Variants in POU2F3 observed in about 807,000 individuals in gnomAD.
POU2F3 encodes the protein POU domain, class 2, transcription factor 3.
POU2F3 carries 23 observed loss-of-function variants against 59.2 expected under a neutral mutation model. The observed-to-expected ratio is 0.39, with a 90% CI of 0.28 to 0.55. POU2F3 has a LOEUF of 0.55. Among genes scored for constraint, POU2F3 ranks in the 20% least tolerant of loss-of-function variants. The pLI is 0.66. For synonymous variants in POU2F3, 190 were observed against 214.6 expected (o/e 0.89, Z 1.00); for missense variants, 473 against 544.5 (o/e 0.87, Z 1.31).
At chr11:120,313,526 T>A (rs1941708526) in intron 10 of POU2F3, among the ~76,000 whole-genome samples, 2 of 152,212 alleles carry the variant, frequency 1.3e-5, no homozygotes, top group Non-Finnish European at 2.9e-5. Flanking sequence ...TAGGACATAG[T>A]TTCTTCTGCT....
Position 120,318,578 on chromosome 11 carries a change from G to C in POU2F3, c.*186G>C, listed in dbSNP as rs1484420046. On this transcript the variant is annotated 3_prime_UTR_variant, in exon 13 of 13. Coordinates refer to ENST00000543440, the MANE Select transcript of POU2F3 (RefSeq NM_014352.4). The stretch of plus-strand genomic sequence containing the variant: ...GAGATCCAAACTGTGATTGAACCAA[G>C]TGCAGACTCCTAATGCTCTTGAAAT... 1 of 614,936 alleles carries C rather than the reference G, an allele frequency of 1.6e-6. No individual in the cohort carries two copies. 38.1% of individuals were successfully genotyped at this position (614,936 alleles called of 1,614,324 possible).
chr11:120,241,615 C>A (rs983370318), intron 1 of POU2F3, among the ~76,000 whole-genome samples: 3 of 152,198 alleles, frequency 2.0e-5, no homozygotes, highest in African/African-American at 7.2e-5. Context: ...CTGGGCATAC[C>A]TGGGGCAGAT....
At chr11:120,246,229 G>T (rs1938869279) in intron 1 of POU2F3, among the ~76,000 whole-genome samples, 2 of 152,106 alleles carry the variant, frequency 1.3e-5, no homozygotes, top group African/African-American at 4.8e-5. Flanking sequence ...CCGGGGAAAG[G>T]GGAAGAGAAA....
At position 120,310,185 on chromosome 11, in the gene POU2F3, A is replaced by T. The variant is rs572409181; in HGVS notation, c.1068+599A>T. Among the ~76,000 whole-genome samples the T allele has an allele frequency of 3.3e-5, 5 of 152,260 alleles. No individual in the cohort carries two copies. In the South Asian group the frequency reaches 1.0e-3, roughly 32 times the overall value. On this transcript the variant is annotated intron_variant, in intron 10 of 12. Transcript: ENST00000543440. Reference sequence around the variant, plus strand: ...TGACAATGGTCAGGCTGTGTGATGGAGGCTTGGCCCAGGGTGGTAGCCATG... The same window carrying T: ...TGACAATGGTCAGGCTGTGTGATGGTGGCTTGGCCCAGGGTGGTAGCCATG...
chr11:120,250,371 G>C (rs1226637314), intron 2 of POU2F3: 1 of 152,232 alleles, frequency 6.6e-6, no homozygotes, highest in African/African-American at 2.4e-5. Context: ...CTGTCCTCAA[G>C]GAGTTGTCCT....
At chr11:120,291,565 A>G (rs975029119) in intron 3 of POU2F3, among the ~76,000 whole-genome samples, 12 of 152,256 alleles carry the variant, frequency 7.9e-5, no homozygotes, top group Admixed American at 7.2e-4. Context: ...TGAAGAGTCT[A>G]TAATTCTATA....
chr11:120,269,370 C>G, intron 3 of POU2F3, 126 bp downstream of exon 3: 2 of 787,852 alleles, frequency 2.5e-6, no homozygotes, highest in Non-Finnish European at 2.0e-6. Context: ...CCCAACCTTT[C>G]AGGATCAAAG....
At chr11:120,263,770 C>T (rs975474706) in intron 2 of POU2F3, among the ~76,000 whole-genome samples, 3 of 152,138 alleles carry the variant, frequency 2.0e-5, no homozygotes, top group Admixed American at 2.0e-4. Context: ...GTGTTCTGTC[C>T]TTTTCTGGTT....
At chr11:120,296,176 G>A (rs1341922420) in intron 3 of POU2F3, among the ~76,000 whole-genome samples, 2 of 152,302 alleles carry the variant, frequency 1.3e-5, no homozygotes, top group South Asian at 2.1e-4. Context: ...CGGAGTTAGG[G>A]CTAGAAACAA....
intron 3 of POU2F3, among the ~76,000 whole-genome samples, chr11:120,278,668 C>T (rs1042794260): frequency 1.3e-5 from 2 of 152,172 alleles, no homozygotes; most frequent in Non-Finnish European, 2.9e-5. Flanking sequence ...GAATGAGCTG[C>T]GCTGACTGAG....
In POU2F3 at chr11:120,305,716, G is replaced by A; in HGVS notation, c.700G>A (p.Ala234Thr). ...CCAGACCACCATCTCACGATTTGAG[G>A]CCCTCAACCTGAGCTTCAAGAACAT... ...FSQTTISRFE[A>T]LNLSFKNMCK... Residue 234 changes from alanine to threonine, a missense_variant, in exon 8 of 13, where the codon GCC becomes ACC. By Grantham distance (58) the Ala-to-Thr change is moderately conservative. Transcript: ENST00000543440. 2 of 1,613,986 alleles carry A rather than the reference G, an allele frequency of 1.2e-6. No homozygotes were observed. Among genetic ancestry groups the A allele is most frequent in the South Asian group, 1.1e-5 (1 of 91,052 alleles).
At chr11:120,278,764 G>T (rs11217780) in intron 3 of POU2F3, among the ~76,000 whole-genome samples, 1 of 152,138 alleles carries the variant, frequency 6.6e-6, no homozygotes, top group African/African-American at 2.4e-5. Context: ...GGGCCTGTCA[G>T]GGGGTGGAGG....
At position 120,279,569 on chromosome 11, in the gene POU2F3, G is replaced by A. The variant is rs191429242; in HGVS notation, c.132+10325G>A. ...ATCATCTCCCAATCTCAGCCCCACC[G>A]CCCTCTGCAAGCGTGGGCGGGGAAG... is the stretch of plus-strand genomic sequence containing the variant. On this transcript the variant is annotated intron_variant, in intron 3 of 12. Transcript: ENST00000543440. Among the ~76,000 whole-genome samples the A allele has an allele frequency of 4.6e-5, 7 of 152,288 alleles. No homozygotes were observed. The East Asian group carries it at 7.7e-4, about 17-fold the overall frequency.
chr11:120,290,563 C>T (rs1940984469), intron 3 of POU2F3, among the ~76,000 whole-genome samples: 2 of 152,192 alleles, frequency 1.3e-5, no homozygotes, highest in Admixed American at 6.5e-5. Context: ...GAGTCAGGCT[C>T]TCCTCTTCCT....
At chr11:120,294,439 C>T (rs1453370226) in intron 3 of POU2F3, among the ~76,000 whole-genome samples, 1 of 152,214 alleles carries the variant, frequency 6.6e-6, no homozygotes, top group African/African-American at 2.4e-5. Context: ...TGATTCCAGG[C>T]AGGCTGTGGG....
chr11:120,266,449 T>C (rs1197048576), intron 2 of POU2F3, among the ~76,000 whole-genome samples: 1 of 152,120 alleles, frequency 6.6e-6, no homozygotes, highest in Admixed American at 6.6e-5. Flanking sequence ...CTCCTCTGCT[T>C]GGAACTCTCA....
intron 2 of POU2F3, among the ~76,000 whole-genome samples, chr11:120,252,905 G>A (rs752567520): frequency 1.3e-5 from 2 of 151,990 alleles, no homozygotes; most frequent in South Asian, 2.1e-4. Flanking sequence ...GTCACCCCTC[G>A]ACCCCAGTTG....
intron 8 of POU2F3, among the ~76,000 whole-genome samples, chr11:120,306,569 G>C (rs975345915): frequency 2.0e-5 from 3 of 152,120 alleles, no homozygotes; most frequent in African/African-American, 7.2e-5. Context: ...AATCTCTCCA[G>C]ACATTGCCAA....
At chr11:120,317,688 C>A (rs1213620595) in intron 12 of POU2F3, among the ~76,000 whole-genome samples, 1 of 151,330 alleles carries the variant, frequency 6.6e-6, no homozygotes, top group African/African-American at 2.4e-5. Context: ...CATGGGAACC[C>A]AGTTCTCAGG....
Sources: gnomAD v4.1 joint callset for allele counts (sites outside exome capture counted in the v4.1 genomes callset) on GRCh38, gnomAD v4.1.1 for gene constraint, MANE v1.5 for transcripts, NCBI Gene and HGNC (gene_info 2026-07-23, HGNC 2026-07-21) for gene names.